Variants in CFAP300 observed in about 807,000 individuals in gnomAD.
CFAP300 encodes the protein cilia and flagella associated protein 300.
Under a neutral mutation model 33.0 loss-of-function variants are expected in CFAP300, and 32 were observed. The ratio of observed to expected loss-of-function variants is 0.97; its 90% CI spans 0.73 to 1.30. The LOEUF is 1.30. Among genes scored for constraint, CFAP300 ranks in the 50% most tolerant of loss-of-function variants. The pLI is 0.00. For synonymous variants in CFAP300, 102 were observed against 106.8 expected, an observed-to-expected ratio of 0.95 and a Z score of 0.28; for missense variants, 356 against 318.1, an observed-to-expected ratio of 1.12 and a Z score of -0.90.
chr11:102,059,169 T>C (rs10750626), intron 3 of CFAP300, among the ~76,000 whole-genome samples: 65,489 of 151,978 alleles, frequency 0.43, 14,398 homozygotes, highest in East Asian at 0.7. Context: ...AATTTTTCTC[T>C]CTTTTTATTC....
intron 3 of CFAP300, among the ~76,000 whole-genome samples, chr11:102,064,377 C>T (rs1591320138): frequency 6.6e-6 from 1 of 152,268 alleles, no homozygotes; most frequent in East Asian, 1.9e-4. Context: ...CCTAGAACTC[C>T]TCTTATCATT....
chr11:102,063,942 C>A (rs1042694938), intron 3 of CFAP300, among the ~76,000 whole-genome samples: 1 of 152,130 alleles, frequency 6.6e-6, no homozygotes, highest in African/African-American at 2.4e-5. Flanking sequence ...CTGAACTATG[C>A]CTTTCTTAAT....
chr11:102,074,820 A>G (rs1942373186), intron 4 of CFAP300, among the ~76,000 whole-genome samples: 1 of 151,348 alleles, frequency 6.6e-6, no homozygotes, highest in African/African-American at 2.4e-5. Flanking sequence ...CTCCCACCTC[A>G]ACCTCCTGAT....
intron 2 of CFAP300, among the ~76,000 whole-genome samples, chr11:102,055,958 C>T (rs951427206): frequency 8.6e-5 from 13 of 152,038 alleles, no homozygotes; most frequent in East Asian, 5.8e-4. Context: ...CATGAGCCAC[C>T]GCGCCCGGCC....
chr11:102,053,544 T>G (rs1170557351), intron 2 of CFAP300, among the ~76,000 whole-genome samples: 1 of 139,592 alleles, frequency 7.2e-6, no homozygotes, highest in African/African-American at 2.8e-5. Flanking sequence ...AGAGCAAAAC[T>G]CCATCAAAAA....
In CFAP300 at chr11:102,047,456, C is replaced by G. The variant is rs1425912936; in HGVS notation, c.-15C>G. ...CCATGGAAACGGCCCAGGCATCCAC[C>G]CAGCCGAGAGCACGATGGCTACTGG... On this transcript the variant is annotated 5_prime_UTR_variant, in exon 1 of 7. Transcript: ENST00000434758. The G allele has an allele frequency of 1.3e-6, 2 of 1,533,594 alleles. No individual in the cohort carries two copies. Among genetic ancestry groups the G allele is most frequent in the Non-Finnish European group, 8.7e-7 (1 of 1,144,674 alleles). The allele number at this position is 1,533,594 out of a possible 1,614,324, so 95.0% of individuals were successfully genotyped here.
chr11:102,049,629 TA>T (rs1315685370), intron 2 of CFAP300, among the ~76,000 whole-genome samples: 1 of 152,162 alleles, frequency 6.6e-6, no homozygotes, highest in African/African-American at 2.4e-5. Flanking sequence ...TGTAGTTTTT[TA>T]TATTTTTTAT....
intron 5 of CFAP300, among the ~76,000 whole-genome samples, chr11:102,077,005 C>T: frequency 6.6e-6 from 1 of 152,086 alleles, no homozygotes; most frequent in East Asian, 1.9e-4. Context: ...AACATACTGT[C>T]CTAATTATTT....
chr11:102,082,094 A>G (rs1942482129), intron 6 of CFAP300, among the ~76,000 whole-genome samples: 1 of 152,118 alleles, frequency 6.6e-6, no homozygotes. Context: ...CAAAAGAAAC[A>G]TAGTCCCCAC....
chr11:102,049,245 G>A (rs981409552), intron 2 of CFAP300, among the ~76,000 whole-genome samples: 1 of 152,158 alleles, frequency 6.6e-6, no homozygotes, highest in African/African-American at 2.4e-5. Flanking sequence ...TCTGGCGGTT[G>A]CCACCCTCCC....
At chr11:102,067,424 A>G (rs902924790) in intron 4 of CFAP300, among the ~76,000 whole-genome samples, 21 of 152,302 alleles carry the variant, frequency 1.4e-4, no homozygotes, top group African/African-American at 4.8e-4. Flanking sequence ...TCTCATTGCT[A>G]ATATCAACAA....
rs145270172 is a variant in CFAP300 at position 102,050,763 on chromosome 11, T to C, written c.192+2867T>C. Among the ~76,000 whole-genome samples the C allele has an allele frequency of 5.9e-3, 895 of 152,316 alleles. 7 individuals carry two copies. The highest frequency in any genetic ancestry group is 0.014 in the Middle Eastern group (4 of 294). On this transcript the variant is annotated intron_variant, in intron 2 of 6. Coordinates refer to ENST00000434758, the MANE Select transcript of CFAP300 (RefSeq NM_032930.3). ...GATGAGTAGGAATTCATCAGGTAGA[T>C]GAAGTGGCAAGGATAATGTTGGAGA...
At chr11:102,054,472 C>T (rs866776950) in intron 2 of CFAP300, among the ~76,000 whole-genome samples, 1 of 151,970 alleles carries the variant, frequency 6.6e-6, no homozygotes, top group Middle Eastern at 3.4e-3. Flanking sequence ...GTGGTGCACG[C>T]CTGTAATCCC....
At chr11:102,058,028 G>C (rs970699706) in intron 2 of CFAP300, 5 of 152,386 alleles carry the variant, frequency 3.3e-5, no homozygotes, top group Admixed American at 3.3e-4. Flanking sequence ...TCTAGTGCTT[G>C]ATGGGGCTAT....
chr11:102,066,980 T>C (rs1261541180), intron 4 of CFAP300, among the ~76,000 whole-genome samples: 2 of 152,226 alleles, frequency 1.3e-5, no homozygotes, highest in Admixed American at 1.3e-4. Context: ...AGCAGGAAAG[T>C]CCTGGCCTAT....
chr11:102,053,019 C>T (rs1591313750), intron 2 of CFAP300, among the ~76,000 whole-genome samples: 1 of 151,442 alleles, frequency 6.6e-6, no homozygotes, highest in African/African-American at 2.4e-5. Context: ...CCTGAGGTCA[C>T]GAGTTCAAGA....
chr11:102,059,546 G>A (rs1376191705), intron 3 of CFAP300, among the ~76,000 whole-genome samples: 1 of 152,092 alleles, frequency 6.6e-6, no homozygotes, highest in Admixed American at 6.6e-5. Context: ...CTACTTGGTG[G>A]CTGAGGAAGG....
intron 4 of CFAP300, among the ~76,000 whole-genome samples, chr11:102,069,675 C>T (rs563858670): frequency 1.3e-3 from 194 of 151,964 alleles, no homozygotes; most frequent in African/African-American, 4.3e-3. Context: ...TGGTGGCATG[C>T]GCCTGTAATC....
chr11:102,071,576 C>A (rs1316224994), intron 4 of CFAP300, among the ~76,000 whole-genome samples: 1 of 151,920 alleles, frequency 6.6e-6, no homozygotes, highest in Non-Finnish European at 1.5e-5. Context: ...ATATTTGAAT[C>A]CTTTCTGTGT....
Sources: allele counts gnomAD v4.1 joint callset (sites outside exome capture counted in the v4.1 genomes callset), GRCh38; gene constraint gnomAD v4.1.1; transcripts MANE v1.5; gene names NCBI Gene and HGNC (gene_info 2026-07-23, HGNC 2026-07-21).